The following BBOF1 variants were observed in gnomAD, a reference collection of about 807,000 sequenced individuals.
The protein encoded by BBOF1 is basal body orientation factor 1.
A neutral mutation model predicts 68.0 loss-of-function variants in BBOF1; 62 were observed. The ratio of observed to expected loss-of-function variants is 0.91; its 90% CI spans 0.74 to 1.13. The LOEUF is 1.13. Ranked by LOEUF, BBOF1 falls within the 50% of genes most tolerant of loss-of-function variation. BBOF1 has a pLI of 0.00. For synonymous variants in BBOF1, 208 were observed against 198.8 expected, an observed-to-expected ratio of 1.05 and a Z score of -0.39; for missense variants, 534 against 600.1, an observed-to-expected ratio of 0.89 and a Z score of 1.15.
rs2060438505 is a variant in BBOF1 at position 74,065,065 on chromosome 14, G to A, written c.*366G>A. 9 of 1,404,410 alleles carry A rather than the reference G, an allele frequency of 6.4e-6. No homozygotes were observed. The highest frequency in any genetic ancestry group is 9.0e-6 in the Non-Finnish European group (9 of 1,003,428). The allele number at this position is 1,404,410 out of a possible 1,614,324, so 87.0% of individuals were successfully genotyped here. A position where few individuals can be genotyped will look rare whatever the true frequency, so the allele number is the denominator to read the frequency against. On this transcript the variant is annotated 3_prime_UTR_variant, in exon 12 of 12. Transcript: ENST00000394009. Reference sequence around the variant, plus strand: ...ACTTTCATTCCTGAGGAAGAAATGGGGCAATGTGGGAGGTCATGGGGGCAA... The same window carrying A: ...ACTTTCATTCCTGAGGAAGAAATGGAGCAATGTGGGAGGTCATGGGGGCAA...
intron 3 of BBOF1, among the ~76,000 whole-genome samples, chr14:74,033,257 A>G (rs2059617332): frequency 1.3e-5 from 2 of 152,134 alleles, no homozygotes; most frequent in Non-Finnish European, 2.9e-5. Context: ...TTTTACAGAA[A>G]TGAAAACTTT....
At chr14:74,055,818 T>G in intron 9 of BBOF1, 133 bp downstream of exon 9, 2 of 596,398 alleles carry the variant, frequency 3.4e-6, no homozygotes. Flanking sequence ...AAGGCCCTAC[T>G]GCTTAACTAC....
downstream of BBOF1, chr14:74,070,947 T>C (rs1318463643): frequency 1.9e-6 from 1 of 521,448 alleles, no homozygotes; most frequent in Non-Finnish European, 3.5e-6. Flanking sequence ...TTTAATCTTA[T>C]CTGTGTCTAG....
At chr14:74,026,581 A>G (rs775178840) in intron 2 of BBOF1, among the ~76,000 whole-genome samples, 1 of 152,066 alleles carries the variant, frequency 6.6e-6, no homozygotes, top group Admixed American at 6.6e-5. Context: ...AGGTTGGTGC[A>G]TTAAAAGAAT....
intron 4 of BBOF1, among the ~76,000 whole-genome samples, chr14:74,038,246 C>T (rs531620189): frequency 2.0e-5 from 3 of 152,262 alleles, no homozygotes; most frequent in Admixed American, 2.0e-4. Flanking sequence ...GGAATGTCAA[C>T]TTTTCTGGAA....
chr14:74,076,845 C>T (rs2060618640), intron 9 of BBOF1, among the ~76,000 whole-genome samples: 1 of 152,122 alleles, frequency 6.6e-6, no homozygotes, highest in Non-Finnish European at 1.5e-5. Context: ...CCACTGCACC[C>T]AGCCTATATA....
chr14:74,072,795 T>A (rs2060568647), intron 9 of BBOF1, among the ~76,000 whole-genome samples: 1 of 152,110 alleles, frequency 6.6e-6, no homozygotes, highest in Non-Finnish European at 1.5e-5. Flanking sequence ...ATTCTGTGTG[T>A]GTGTGTTTAT....
chr14:74,040,640 G>GA lies in BBOF1; in HGVS notation c.575dup (p.His193AlafsTer8). On this transcript the variant is annotated frameshift_variant, in exon 5 of 12. Transcript: ENST00000394009. LOFTEE classifies it high-confidence loss of function. ...AAGACTGGAAAGCAGATTTTTTGAA[G>GA]AAAAGGTACAGATTATTAGGGTTAA... 6.3e-7 allele frequency: 1 copy of GA among 1,575,184 alleles called. No homozygotes were observed. Among genetic ancestry groups the GA allele is most frequent in the Non-Finnish European group, 8.6e-7 (1 of 1,156,764 alleles).
At position 74,065,279 on chromosome 14, in the gene BBOF1, G is replaced by A. The variant is rs1420149558; in HGVS notation, c.*580G>A. On this transcript the variant is annotated 3_prime_UTR_variant, in exon 12 of 12. Coordinates refer to ENST00000394009, the MANE Select transcript of BBOF1 (RefSeq NM_025057.3). ...CCATATGGGTTGTTATTTACAATCT[G>A]GATGGCTTCATCCAATGTTTCTGTC... 1 of 1,614,100 alleles carries A rather than the reference G, an allele frequency of 6.2e-7. No individual in the cohort carries two copies. Among genetic ancestry groups the A allele is most frequent in the Non-Finnish European group, 8.5e-7 (1 of 1,180,008 alleles).
intron 4 of BBOF1, among the ~76,000 whole-genome samples, chr14:74,034,794 A>G (rs1006573995): frequency 2.0e-5 from 3 of 152,212 alleles, no homozygotes; most frequent in Non-Finnish European, 4.4e-5. Flanking sequence ...ATGGGATAGT[A>G]AGAGTTAGTA....
At chr14:74,074,290 T>G (rs2060587097) in intron 9 of BBOF1, among the ~76,000 whole-genome samples, 1 of 137,266 alleles carries the variant, frequency 7.3e-6, no homozygotes, top group African/African-American at 2.8e-5. Flanking sequence ...TTCACTAAAT[T>G]TTTTTTTTTT....
intron 5 of BBOF1, among the ~76,000 whole-genome samples, chr14:74,043,858 AG>A (rs2059890585): frequency 6.6e-6 from 1 of 151,838 alleles, no homozygotes; most frequent in Non-Finnish European, 1.5e-5. Context: ...TTATATTGCT[AG>A]TCCCTCCTTC....
In BBOF1 at chr14:74,019,389, A is replaced by C; in HGVS notation, c.-90A>C. 2 of 1,486,824 alleles carry C rather than the reference A, an allele frequency of 1.3e-6. No homozygotes were observed. The highest frequency in any genetic ancestry group is 2.8e-5 in the East Asian group (1 of 35,260). 92.1% of individuals were successfully genotyped at this position (1,486,824 alleles called of 1,614,324 possible). A position where few individuals can be genotyped will look rare whatever the true frequency, so the allele number is the denominator to read the frequency against. On this transcript the variant is annotated 5_prime_UTR_variant, in exon 1 of 12. Transcript: ENST00000394009. ...TCAGCGGCGCGGGTGGGGCATTGCC[A>C]GCTCGGCGTCCCGGTTCCCTTGGAG...
chr14:74,064,823 T>C lies in BBOF1; in HGVS notation c.*124T>C. ...CAAAAAATTTAACTCAAAAGTTACC[T>C]GTTTGCCATAGAAATTGGTGTCTCC... On this transcript the variant is annotated 3_prime_UTR_variant, in exon 12 of 12. Coordinates refer to ENST00000394009, the MANE Select transcript of BBOF1 (RefSeq NM_025057.3). The C allele has an allele frequency of 6.2e-7, 1 of 1,613,930 alleles. No individual in the cohort carries two copies. The highest frequency in any genetic ancestry group is 8.5e-7 in the Non-Finnish European group (1 of 1,179,824).
At chr14:74,057,429 CA>C in intron 11 of BBOF1, 171 bp downstream of exon 11, 1 of 1,510,660 alleles carries the variant, frequency 6.6e-7, no homozygotes, top group Non-Finnish European at 8.8e-7. Context: ...AATATCCGTA[CA>C]AATGCATATT....
intron 9 of BBOF1, chr14:74,071,544 T>G (rs780794830): frequency 6.2e-7 from 1 of 1,612,380 alleles, no homozygotes; most frequent in Non-Finnish European, 8.5e-7. Flanking sequence ...TGTGTACTAG[T>G]TAGCTTTGTC....
Position 74,023,107 on chromosome 14 carries a change from G to A in BBOF1, c.248G>A (p.Ser83Asn), listed in dbSNP as rs190718961. The change falls in exon 2 of 12, where the codon AGT becomes AAT. Residue 83 changes from serine to asparagine, a missense_variant. Ser to Asn is a conservative substitution (Grantham distance 46). Coordinates refer to ENST00000394009, the MANE Select transcript of BBOF1 (RefSeq NM_025057.3). Reference sequence around the variant, plus strand: ...GAGAAAGACATAATGTCAGTATTAAGTTACCTGAAGAAGCAGGATCAGGAG... The same window carrying A: ...GAGAAAGACATAATGTCAGTATTAAATTACCTGAAGAAGCAGGATCAGGAG... ...KMEKDIMSVL[S>N]YLKKQDQEKD... 153 of 1,592,782 alleles carry A rather than the reference G, an allele frequency of 9.6e-5. 1 individual carries two copies. In the Admixed American group the frequency reaches 2.7e-3, roughly 28 times the overall value.
In BBOF1 at chr14:74,075,877, T is replaced by A. The variant is rs148605606; in HGVS notation, n.1380-2319T>A. Among the ~76,000 whole-genome samples, 26 of 152,278 alleles carry A rather than the reference T, an allele frequency of 1.7e-4. No homozygotes were observed. In the East Asian group the frequency reaches 4.6e-3, roughly 27 times the overall value. ...TAAGGAAACTAATGTGGTATATTCA[T>A]ACACTGGAATACTACTCAGCAAAAA... On this transcript the variant is annotated intron_variant and non_coding_transcript_variant, in intron 9 of 12. Transcript: ENST00000492026.
intron 8 of BBOF1, among the ~76,000 whole-genome samples, chr14:74,051,929 T>G (rs1292936057): frequency 6.6e-6 from 1 of 151,700 alleles, no homozygotes; most frequent in Admixed American, 6.6e-5. Flanking sequence ...TTTAAAGGAC[T>G]AATTTTATAG....
Sources: allele counts gnomAD v4.1 joint callset (sites outside exome capture counted in the v4.1 genomes callset), GRCh38; gene constraint gnomAD v4.1.1; transcripts MANE v1.5; gene names NCBI Gene and HGNC (gene_info 2026-07-23, HGNC 2026-07-21).